ZNF829: variants seen among roughly 807,000 people sequenced by gnomAD.
The protein encoded by ZNF829 is zinc finger protein 829.
A neutral mutation model predicts 35.2 loss-of-function variants in ZNF829; 25 were observed. The observed-to-expected ratio is 0.71, with a 90% CI of 0.52 to 0.99. The LOEUF is 0.99. Ranked by LOEUF, ZNF829 falls within the 50% of genes least tolerant of loss-of-function variation. The probability of loss-of-function intolerance (pLI) is 0.00; values close to 1 mark genes in which losing one functional copy is unlikely to be tolerated. For synonymous variants in ZNF829, 136 were observed against 163.2 expected, an observed-to-expected ratio of 0.83 and a Z score of 1.27; for missense variants, 417 against 515.3, an observed-to-expected ratio of 0.81 and a Z score of 1.85.
rs1188746330 is a variant in ZNF829, at chr19:36,889,708, G to T, written c.*1784C>A. 6.6e-6 allele frequency: 1 copy of T among 151,774 alleles called. No homozygotes were observed. The highest frequency in any genetic ancestry group is 2.4e-5 in the African/African-American group (1 of 41,306). The allele number at this position is 151,774 out of a possible 1,614,324, so 9.4% of individuals were successfully genotyped here. A position where few individuals can be genotyped will look rare whatever the true frequency, so the allele number is the denominator to read the frequency against. On this transcript the variant is annotated 3_prime_UTR_variant, in exon 6 of 6. Coordinates refer to ENST00000391711, the MANE Select transcript of ZNF829 (RefSeq NM_001037232.4). ...CTAGTGGTCTGTCAGTTTTATCTTT[G>T]CAAAGAACCAACTTTTTCTTTTATT...
At chr19:36,906,189 C>T (rs376615068) in intron 5 of ZNF829, 2 of 152,188 alleles carry the variant, frequency 1.3e-5, no homozygotes, top group East Asian at 3.9e-4. Flanking sequence ...GATTCCTATC[C>T]AGGACACAAA....
Position 36,892,379 on chromosome 19 carries a change from T to TTCTTCCC in ZNF829, c.411_412insGGGAAGA (p.Ile138GlyfsTer17). Reference sequence around the variant, plus strand: ...GGTGGAATAAGAAATGTGGGCTGAATAAAAGTAGACATGTCTTCACGGGTA... The same window carrying TTCTTCCC: ...GGTGGAATAAGAAATGTGGGCTGAATTCTTCCCAAAAGTAGACATGTCTTCACGGGTA... On this transcript the variant is annotated frameshift_variant, in exon 6 of 6. Coordinates refer to ENST00000391711, the MANE Select transcript of ZNF829 (RefSeq NM_001037232.4). LOFTEE classifies it high-confidence loss of function. The TTCTTCCC allele has an allele frequency of 3.1e-6, 5 of 1,613,334 alleles. No homozygotes were observed. Among genetic ancestry groups the TTCTTCCC allele is most frequent in the Non-Finnish European group, 3.4e-6 (4 of 1,179,890 alleles).
intron 1 of ZNF829, chr19:36,915,770 T>G: frequency 7.8e-7 from 1 of 1,280,190 alleles, no homozygotes; most frequent in Non-Finnish European, 1.1e-6. Context: ...CTAATTTTTG[T>G]ATTTTTAGTA....
At chr19:36,914,549 C>T (rs2073291948) in intron 3 of ZNF829, among the ~76,000 whole-genome samples, 1 of 152,080 alleles carries the variant, frequency 6.6e-6, no homozygotes, top group Non-Finnish European at 1.5e-5. Flanking sequence ...ATTTAAAAGT[C>T]TGGCATGTCT....
chr19:36,898,221 A>G (rs1367142889), intron 5 of ZNF829, among the ~76,000 whole-genome samples: 1 of 152,314 alleles, frequency 6.6e-6, no homozygotes, highest in East Asian at 1.9e-4. Flanking sequence ...AATTAGCTGA[A>G]AAAGAAATCA....
chr19:36,915,251 C>T lies in ZNF829; in HGVS notation c.-84G>A. 1 of 1,610,318 alleles carries T rather than the reference C, an allele frequency of 6.2e-7. No individual in the cohort carries two copies. Among genetic ancestry groups the T allele is most frequent in the East Asian group, 2.2e-5 (1 of 44,814 alleles). On this transcript the variant is annotated splice_region_variant and 5_prime_UTR_variant, in exon 2 of 6. Coordinates refer to ENST00000391711, the MANE Select transcript of ZNF829 (RefSeq NM_001037232.4). ...ATCTGACCAGACCTCAGAGAGGTTT[C>T]CTAGAGACAGAGTTCTGGAGTCACA...
chr19:36,911,372 C>T (rs915489434), intron 3 of ZNF829, among the ~76,000 whole-genome samples: 4 of 152,056 alleles, frequency 2.6e-5, no homozygotes, highest in Non-Finnish European at 4.4e-5. Flanking sequence ...CCACCACATC[C>T]AGCTAATTTT....
chr19:36,909,605 G>A (rs2073246259), intron 3 of ZNF829, among the ~76,000 whole-genome samples: 2 of 152,008 alleles, frequency 1.3e-5, no homozygotes, highest in Admixed American at 6.6e-5. Flanking sequence ...TCAGGAGTTC[G>A]AGACCAGCCT....
rs775852887 is a variant in ZNF829, at chr19:36,908,397, G to A, written c.159C>T (p.Asp53=). Residue 53 remains aspartate (D), a synonymous_variant, in exon 4 of 6, where the codon GAC becomes GAT. Coordinates refer to ENST00000391711, the MANE Select transcript of ZNF829 (RefSeq NM_001037232.4). ...CTTTGTATAAATTCATCTGATCAGCGTCCAGGCATTCCCATTCCTCTTGAG... is the reference window on the plus strand; with the variant it reads ...CTTTGTATAAATTCATCTGATCAGCATCCAGGCATTCCCATTCCTCTTGAG... ...DFSQEEWECL[D]ADQMNLYKEV... 4.0e-5 allele frequency: 64 copies of A among 1,613,288 alleles called. 1 individual carries two copies. The South Asian group carries it at 4.4e-4, about 11-fold the overall frequency.
At chr19:36,896,282 G>C (rs1460943170) in intron 5 of ZNF829, among the ~76,000 whole-genome samples, 1 of 150,292 alleles carries the variant, frequency 6.7e-6, no homozygotes, top group Non-Finnish European at 1.5e-5. Context: ...CTGCACTCCA[G>C]CTTGGGTGAC....
chr19:36,894,715 A>G (rs969609467), intron 5 of ZNF829, among the ~76,000 whole-genome samples: 1 of 152,166 alleles, frequency 6.6e-6, no homozygotes, highest in Non-Finnish European at 1.5e-5. Context: ...GAATTTCTGA[A>G]CTTGAGGACA....
intron 5 of ZNF829, among the ~76,000 whole-genome samples, chr19:36,902,422 C>T (rs1361119900): frequency 2.0e-5 from 3 of 148,892 alleles, no homozygotes; most frequent in Non-Finnish European, 1.5e-5. Flanking sequence ...ATTACTTTAG[C>T]TTAGGAGTTC....
intron 3 of ZNF829, among the ~76,000 whole-genome samples, chr19:36,910,636 A>C (rs1053983828): frequency 2.0e-5 from 3 of 152,138 alleles, no homozygotes; most frequent in African/African-American, 7.2e-5. Flanking sequence ...CCTTTTCCAG[A>C]TATGCAGGCC....
intron 5 of ZNF829, among the ~76,000 whole-genome samples, chr19:36,898,114 T>G (rs1254644433): frequency 6.6e-6 from 1 of 151,892 alleles, no homozygotes; most frequent in Non-Finnish European, 1.5e-5. Context: ...TGCAGAGAGC[T>G]GAGATCATGC....
At chr19:36,915,805 C>G in intron 1 of ZNF829, 2 of 1,493,916 alleles carry the variant, frequency 1.3e-6, no homozygotes, top group South Asian at 2.4e-5. Flanking sequence ...CCATGTTGGC[C>G]AGGATGGTCT....
chr19:36,896,529 C>T (rs775945788), intron 5 of ZNF829, among the ~76,000 whole-genome samples: 39 of 151,942 alleles, frequency 2.6e-4, no homozygotes, highest in Non-Finnish European at 5.2e-4. Context: ...AATAATAGTA[C>T]GGGATTTGAA....
chr19:36,893,332 A>G (rs1375963007), intron 5 of ZNF829, among the ~76,000 whole-genome samples: 1 of 152,196 alleles, frequency 6.6e-6, no homozygotes, highest in African/African-American at 2.4e-5. Flanking sequence ...GGAGAAAGAA[A>G]TGAATAATTC....
chr19:36,894,758 A>G (rs2073096017), intron 5 of ZNF829, among the ~76,000 whole-genome samples: 1 of 152,168 alleles, frequency 6.6e-6, no homozygotes, highest in South Asian at 2.1e-4. Context: ...AAGAAAAAGT[A>G]AAAAATAATA....
chr19:36,908,599 G>C (rs917791987), intron 3 of ZNF829, 140 bp from the exon 4 acceptor site: 2 of 899,498 alleles, frequency 2.2e-6, no homozygotes, highest in African/African-American at 1.7e-5. Flanking sequence ...TGTACAAAGG[G>C]ATATACAAAT....
Sources: gnomAD v4.1 joint callset for allele counts (sites outside exome capture counted in the v4.1 genomes callset) on GRCh38, gnomAD v4.1.1 for gene constraint, MANE v1.5 for transcripts, NCBI Gene and HGNC (gene_info 2026-07-23, HGNC 2026-07-21) for gene names.